Variants in SLC16A7 observed in about 807,000 individuals in gnomAD.
SLC16A7 encodes the protein solute carrier family 16 member 7, also known as monocarboxylate transporter 2.
Under a neutral mutation model 34.9 loss-of-function variants are expected in SLC16A7, and 33 were observed. The observed-to-expected ratio is 0.94, with a 90% CI of 0.72 to 1.26. The LOEUF is 1.26. Ranked by LOEUF, SLC16A7 falls within the 50% of genes most tolerant of loss-of-function variation. The pLI, the probability that SLC16A7 is intolerant of heterozygous loss-of-function variation, is 0.00. For missense variants in SLC16A7, 573 were observed against 578.1 expected, an observed-to-expected ratio of 0.99 and a Z score of 0.09; for synonymous variants, 201 against 206.6, an observed-to-expected ratio of 0.97 and a Z score of 0.23.
chr12:59,750,827 T>C (rs941111583), intron 3 of SLC16A7, among the ~76,000 whole-genome samples: 14 of 152,066 alleles, frequency 9.2e-5, no homozygotes, highest in Admixed American at 5.2e-4. Flanking sequence ...CCATCAATGA[T>C]AGACTGGATA....
At chr12:59,678,024 C>A (rs561208107) in intron 2 of SLC16A7, among the ~76,000 whole-genome samples, 1 of 152,150 alleles carries the variant, frequency 6.6e-6, no homozygotes, top group Non-Finnish European at 1.5e-5. Context: ...TCACACCTGC[C>A]AAGGGTGAGC....
At chr12:59,745,502 ACT>A (rs1369253482) in intron 3 of SLC16A7, among the ~76,000 whole-genome samples, 1 of 152,112 alleles carries the variant, frequency 6.6e-6, no homozygotes, top group African/African-American at 2.4e-5. Context: ...AATAGAAGAA[ACT>A]CTGTACATAG....
At chr12:59,659,352 A>G (rs563484793) in intron 2 of SLC16A7, among the ~76,000 whole-genome samples, 2 of 152,168 alleles carry the variant, frequency 1.3e-5, no homozygotes, top group African/African-American at 2.4e-5. Context: ...TAGTGTGCCC[A>G]TAACCGAAGT....
At chr12:59,633,229 AC>A (rs1027126323) in intron 1 of SLC16A7, among the ~76,000 whole-genome samples, 2 of 151,932 alleles carry the variant, frequency 1.3e-5, no homozygotes, top group African/African-American at 4.8e-5. Flanking sequence ...TATCAGTTCT[AC>A]CCAACCCTAC....
At chr12:59,631,849 G>C (rs1880197584) in intron 1 of SLC16A7, among the ~76,000 whole-genome samples, 1 of 151,914 alleles carries the variant, frequency 6.6e-6, no homozygotes. Context: ...GAGATGGTTG[G>C]GAAAGTAAAT....
At chr12:59,740,879 C>T (rs1878243012) in intron 3 of SLC16A7, among the ~76,000 whole-genome samples, 1 of 152,088 alleles carries the variant, frequency 6.6e-6, no homozygotes, top group African/African-American at 2.4e-5. Context: ...GATACAAAAT[C>T]AATGTACAAA....
intron 1 of SLC16A7, among the ~76,000 whole-genome samples, chr12:59,616,853 C>T (rs192794063): frequency 6.6e-6 from 1 of 152,186 alleles, no homozygotes; most frequent in African/African-American, 2.4e-5. Context: ...GAACTTATTT[C>T]TATTATGGCA....
intron 2 of SLC16A7, among the ~76,000 whole-genome samples, chr12:59,670,944 A>G (rs985348288): frequency 6.6e-6 from 1 of 152,144 alleles, no homozygotes; most frequent in Non-Finnish European, 1.5e-5. Context: ...CTCTGCATCC[A>G]TGAGTCTCCT....
rs1882578080 is a variant in SLC16A7 at position 59,774,814 on chromosome 12, C to G, written c.519C>G (p.Gly173=). 3.7e-6 allele frequency: 6 copies of G among 1,613,716 alleles called. No homozygotes were observed. Among genetic ancestry groups the G allele is most frequent in the Non-Finnish European group, 5.1e-6 (6 of 1,179,944 alleles). Residue 173 remains glycine, a synonymous_variant, in exon 5 of 6, where the codon GGC becomes GGG. Transcript: ENST00000547379. ...ATCAGTACCTTTTTAATACTTTTGGCTGGAAAGGAAGCTTCCTGATTTTGG... is the reference window on the plus strand; with the variant it reads ...ATCAGTACCTTTTTAATACTTTTGGGTGGAAAGGAAGCTTCCTGATTTTGG... ...PFNQYLFNTF[G]WKGSFLILGS...
chr12:59,696,649 G>A (rs1470991817), intron 2 of SLC16A7: 1 of 151,968 alleles, frequency 6.6e-6, no homozygotes, highest in African/African-American at 2.4e-5. Context: ...AGGAAAAAAA[G>A]GCATGAAGCC....
intron 1 of SLC16A7, among the ~76,000 whole-genome samples, chr12:59,649,432 G>A (rs529990013): frequency 2.0e-5 from 3 of 152,302 alleles, no homozygotes; most frequent in African/African-American, 7.2e-5. Flanking sequence ...TTTGTAAACA[G>A]AGCTTTGGTT....
intron 1 of SLC16A7, among the ~76,000 whole-genome samples, chr12:59,612,560 T>G (rs1239412595): frequency 1.3e-5 from 2 of 152,192 alleles, no homozygotes; most frequent in African/African-American, 4.8e-5. Context: ...TTATGCAAAT[T>G]TCTACAGCCT....
intron 3 of SLC16A7, among the ~76,000 whole-genome samples, chr12:59,745,828 G>T (rs1878833067): frequency 6.6e-6 from 1 of 152,148 alleles, no homozygotes; most frequent in Non-Finnish European, 1.5e-5. Context: ...ATTATCTTTT[G>T]TTCATTCTGT....
At chr12:59,697,369 TTGTG>T (rs879936958) in intron 2 of SLC16A7, among the ~76,000 whole-genome samples, 2 of 152,000 alleles carry the variant, frequency 1.3e-5, no homozygotes, top group African/African-American at 2.4e-5. Context: ...GGATATGTAG[TTGTG>T]TGTATGCATG....
intron 3 of SLC16A7, chr12:59,720,341 A>C (rs1565671847): frequency 2.1e-6 from 1 of 476,002 alleles, no homozygotes; most frequent in Non-Finnish European, 3.7e-6. Context: ...ATTAGTACCC[A>C]TAACAACAGA....
chr12:59,757,542 A>G (rs2137370699), intron 3 of SLC16A7, among the ~76,000 whole-genome samples: 2 of 152,306 alleles, frequency 1.3e-5, no homozygotes, highest in Middle Eastern at 6.8e-3. Flanking sequence ...CTAAAGCAAA[A>G]TGGTGGAAGA....
intron 3 of SLC16A7, among the ~76,000 whole-genome samples, chr12:59,731,409 T>C (rs1322441402): frequency 6.6e-6 from 1 of 152,214 alleles, no homozygotes; most frequent in African/African-American, 2.4e-5. Flanking sequence ...AAAGGTTAAA[T>C]GGTGAAAGAT....
At chr12:59,755,706 C>T (rs143025517) in intron 3 of SLC16A7, among the ~76,000 whole-genome samples, 1 of 152,252 alleles carries the variant, frequency 6.6e-6, no homozygotes, top group Non-Finnish European at 1.5e-5. Flanking sequence ...GTTTCAATGC[C>T]ATCCCCATCA....
chr12:59,660,485 T>C (rs1335598285), intron 2 of SLC16A7, among the ~76,000 whole-genome samples: 2 of 151,848 alleles, frequency 1.3e-5, no homozygotes, highest in Non-Finnish European at 2.9e-5. Flanking sequence ...TTTTATACTT[T>C]TATTTAAAAT....
Sources: gnomAD v4.1 joint callset for allele counts (sites outside exome capture counted in the v4.1 genomes callset) on GRCh38, gnomAD v4.1.1 for gene constraint, MANE v1.5 for transcripts, NCBI Gene and HGNC (gene_info 2026-07-23, HGNC 2026-07-21) for gene names.